Variants in DTNA observed in about 807,000 individuals in gnomAD.
The protein encoded by DTNA is dystrophin-related protein 3.
Under a neutral mutation model 100.7 loss-of-function variants are expected in DTNA, and 43 were observed. The ratio of observed to expected loss-of-function variants is 0.43; its 90% CI spans 0.33 to 0.55. The LOEUF (loss-of-function observed/expected upper bound fraction) is 0.55. Ranked by LOEUF, DTNA falls within the 20% of genes least tolerant of loss-of-function variation. The pLI is 0.04. For missense variants in DTNA, 798 were observed against 953.9 expected (o/e 0.84, Z 2.15); for synonymous variants, 349 against 347.9 (o/e 1.00, Z -0.04).
At position 34,793,505 on chromosome 18, in the gene DTNA, T is replaced by G. The variant is rs530118233; in HGVS notation, c.149-532T>G. 9.8e-4 allele frequency among the ~76,000 whole-genome samples: 150 copies of G among 152,350 alleles called. 2 individuals are homozygous for G. Among genetic ancestry groups the G allele is most frequent in the East Asian group, 9.6e-4 (5 of 5,194 alleles). Reference sequence around the variant, plus strand: ...CCTGCCTACCTTAACTTTCTTTTTTTTTCTTGTTTCCAACAGCATACTACT... The same window carrying G: ...CCTGCCTACCTTAACTTTCTTTTTTGTTCTTGTTTCCAACAGCATACTACT... On this transcript the variant is annotated intron_variant, in intron 3 of 22. Transcript: ENST00000444659.
intron 1 of DTNA, among the ~76,000 whole-genome samples, chr18:34,551,581 TG>T (rs1185955835): frequency 1.3e-5 from 2 of 152,190 alleles, no homozygotes; most frequent in African/African-American, 4.8e-5. Context: ...GGGAACTCAT[TG>T]CTGCATTGTT....
chr18:34,848,770 C>T (rs1208380581), intron 14 of DTNA, among the ~76,000 whole-genome samples: 3 of 152,068 alleles, frequency 2.0e-5, no homozygotes, highest in South Asian at 2.1e-4. Flanking sequence ...TTAAAATATA[C>T]CAGTAGAAAT....
Position 34,728,126 on chromosome 18 carries a change from T to C in DTNA, c.-2+17681T>C, listed in dbSNP as rs114154474. ...TTAAGTTAAAAGTGAGAATTTGAAA[T>C]TGCATACTCAATGTGAATGCAGCTA... On this transcript the variant is annotated intron_variant, in intron 1 of 22. Transcript: ENST00000444659. 3.2e-3 allele frequency among the ~76,000 whole-genome samples: 492 copies of C among 152,322 alleles called. 5 individuals carry two copies. Among genetic ancestry groups the C allele is most frequent in the African/African-American group, 0.011 (461 of 41,568 alleles).
chr18:34,560,651 A>G (rs1213570418), intron 1 of DTNA, among the ~76,000 whole-genome samples: 1 of 152,186 alleles, frequency 6.6e-6, no homozygotes, highest in Non-Finnish European at 1.5e-5. Context: ...CACTCCTGTA[A>G]TCCCAGCACT....
chr18:34,780,981 G>A (rs1000931218), intron 3 of DTNA, among the ~76,000 whole-genome samples: 2 of 152,206 alleles, frequency 1.3e-5, no homozygotes, highest in African/African-American at 4.8e-5. Flanking sequence ...CTTCTAGGTT[G>A]CACATGTGTG....
intron 17 of DTNA, chr18:34,868,287 C>T (rs611603): frequency 0.15 from 36,668 of 250,936 alleles, 3,451 homozygotes; most frequent in African/African-American, 0.31. Flanking sequence ...GAGTACTGGA[C>T]GATAGAAAAG....
chr18:34,790,956 G>A (rs573916907), intron 3 of DTNA, among the ~76,000 whole-genome samples: 9 of 152,268 alleles, frequency 5.9e-5, no homozygotes, highest in African/African-American at 1.7e-4. Context: ...CCTGGAGGGA[G>A]AATAGGCAGC....
chr18:34,824,098 C>T (rs1340450372), intron 9 of DTNA, among the ~76,000 whole-genome samples: 1 of 152,120 alleles, frequency 6.6e-6, no homozygotes, highest in Non-Finnish European at 1.5e-5. Context: ...ATATGTAGAA[C>T]ATTATAGAGC....
rs530587532 is a variant in DTNA, at chr18:34,787,240, G to GA, written c.149-6793dup. Among the ~76,000 whole-genome samples, 110 of 152,260 alleles carry GA rather than the reference G, an allele frequency of 7.2e-4. 1 individual carries two copies. Among genetic ancestry groups the GA allele is most frequent in the Middle Eastern group, 3.4e-3 (1 of 294 alleles). ...GACCTTTCTCAGCTGCAAGCCCTTTGAAAACCTTCTAAAAGTTTATAATCA... is the reference window on the plus strand; with the variant it reads ...GACCTTTCTCAGCTGCAAGCCCTTTGAAAAACCTTCTAAAAGTTTATAATCA... On this transcript the variant is annotated intron_variant, in intron 3 of 22. Coordinates refer to ENST00000444659, the MANE Select transcript of DTNA (RefSeq NM_001386795.1).
At chr18:34,808,273 A>G (rs1478485733) in intron 5 of DTNA, among the ~76,000 whole-genome samples, 3 of 152,148 alleles carry the variant, frequency 2.0e-5, no homozygotes, top group Admixed American at 2.0e-4. Context: ...AGCTTTGTTC[A>G]GTGTAAGATT....
At chr18:34,609,348 G>T (rs12326551) in intron 1 of DTNA, among the ~76,000 whole-genome samples, 2 of 150,876 alleles carry the variant, frequency 1.3e-5, no homozygotes, top group Admixed American at 1.3e-4. Flanking sequence ...GGGTTCAAGC[G>T]ATTCTCCTGC....
rs142426920 is a variant in DTNA at position 34,516,516 on chromosome 18, G to T, written c.-2+23002G>T. 1.8e-4 allele frequency among the ~76,000 whole-genome samples: 28 copies of T among 152,074 alleles called. No individual in the cohort carries two copies. The East Asian group carries it at 3.3e-3, about 18-fold the overall frequency. ...ATTTCCTAATCCTAGTAAGCCTGGG[G>T]ACTCTACAGGAGACCCGGGCTTATT... On this transcript the variant is annotated intron_variant, in intron 1 of 19. Coordinates refer to the DTNA transcript ENST00000283365.
intron 1 of DTNA, among the ~76,000 whole-genome samples, chr18:34,659,361 T>G (rs1037632049): frequency 6.6e-6 from 1 of 152,192 alleles, no homozygotes; most frequent in East Asian, 1.9e-4. Context: ...TTGTACTGTA[T>G]GCTTGAAATC....
intron 1 of DTNA, among the ~76,000 whole-genome samples, chr18:34,604,289 TA>T (rs542670153): frequency 1.3e-4 from 20 of 152,174 alleles, no homozygotes; most frequent in Non-Finnish European, 2.5e-4. Flanking sequence ...ATCAATACTT[TA>T]AAAAAAATTT....
chr18:34,845,734 A>G (rs1404673693), intron 13 of DTNA, among the ~76,000 whole-genome samples: 1 of 152,192 alleles, frequency 6.6e-6, no homozygotes, highest in Admixed American at 6.5e-5. Context: ...TTTAGTTATT[A>G]TTTTTAACCA....
intron 1 of DTNA, among the ~76,000 whole-genome samples, chr18:34,578,552 G>A (rs544240163): frequency 1.3e-5 from 2 of 151,444 alleles, no homozygotes; most frequent in South Asian, 2.1e-4. Context: ...CTAAGACAAT[G>A]TCTGGAAGGG....
intron 1 of DTNA, among the ~76,000 whole-genome samples, chr18:34,580,965 G>C (rs957139199): frequency 1.3e-5 from 2 of 152,200 alleles, no homozygotes; most frequent in African/African-American, 4.8e-5. Flanking sequence ...GTGTGTTAAG[G>C]CTGGGCGCGG....
At chr18:34,693,570 T>C (rs1568236730) in intron 1 of DTNA, among the ~76,000 whole-genome samples, 1 of 152,202 alleles carries the variant, frequency 6.6e-6, no homozygotes, top group Non-Finnish European at 1.5e-5. Flanking sequence ...AAGAGAAGAC[T>C]GAGAAAATAA....
At chr18:34,838,028 C>A in intron 11 of DTNA, 66 bp from the exon 12 acceptor site, 1 of 1,421,962 alleles carries the variant, frequency 7.0e-7, no homozygotes, top group Non-Finnish European at 9.9e-7. Flanking sequence ...TGTCTGTTGC[C>A]AGTTTCTATT....
Sources: allele counts gnomAD v4.1 joint callset (sites outside exome capture counted in the v4.1 genomes callset), GRCh38; gene constraint gnomAD v4.1.1; transcripts MANE v1.5; gene names NCBI Gene and HGNC (gene_info 2026-07-23, HGNC 2026-07-21).